LRRTM4: variants seen among roughly 807,000 people sequenced by gnomAD.
The protein encoded by LRRTM4 is leucine-rich repeat transmembrane neuronal protein 4.
In LRRTM4, 25 loss-of-function variants were observed where a neutral mutation model predicts 47.6. The observed-to-expected ratio is 0.53, with a 90% CI of 0.38 to 0.73. The LOEUF is 0.73. Among genes scored for constraint, LRRTM4 ranks in the 30% least tolerant of loss-of-function variants. LRRTM4 has a pLI of 0.00. For missense variants in LRRTM4, 638 were observed against 713.4 expected (o/e 0.89, Z 1.20); for synonymous variants, 311 against 269.5 (o/e 1.15, Z -1.51).
chr2:77,241,205 TACACACAC>T lies in LRRTM4; in HGVS notation c.1551+277105_1551+277112del, dbSNP rs10555648. ...GTAAACAAAAACATGGAATTGGAAA[TACACACAC>T]ACACACACACACACACACACACACA... is the stretch of plus-strand genomic sequence containing the variant. On this transcript the variant is annotated intron_variant, in intron 3 of 3. Coordinates refer to ENST00000409884, the MANE Select transcript of LRRTM4 (RefSeq NM_001134745.3). Among the ~76,000 whole-genome samples, 124 of 119,818 alleles carry T rather than the reference TACACACAC, an allele frequency of 1.0e-3. 1 individual carries two copies. The South Asian group carries it at 0.027, about 26-fold the overall frequency. 78.6% of individuals were successfully genotyped at this position (119,818 alleles called of 152,430 possible). A position where few individuals can be genotyped will look rare whatever the true frequency, so the allele number is the denominator to read the frequency against.
chr2:76,978,117 T>A (rs4143794), intron 3 of LRRTM4, among the ~76,000 whole-genome samples: 85,356 of 151,828 alleles, frequency 0.56, 25,820 homozygotes, highest in African/African-American at 0.78. Context: ...GAAAAACATT[T>A]GCCCTCTCAT....
At position 77,045,389 on chromosome 2, in the gene LRRTM4, C is replaced by T. The variant is rs544052265; in HGVS notation, c.1552-296473G>A. 8.6e-5 allele frequency among the ~76,000 whole-genome samples: 13 copies of T among 151,856 alleles called. No individual in the cohort carries two copies. The South Asian group carries it at 2.7e-3, about 32-fold the overall frequency. The stretch of plus-strand genomic sequence containing the variant: ...GTACTATGAAACTGATTCCAGGTAT[C>T]ATGTCATTTCCCCTGCAAATTCAAT... On this transcript the variant is annotated intron_variant, in intron 3 of 3. Transcript: ENST00000409884.
intron 3 of LRRTM4, among the ~76,000 whole-genome samples, chr2:77,409,819 A>G (rs1291817350): frequency 6.6e-6 from 1 of 152,194 alleles, no homozygotes; most frequent in East Asian, 1.9e-4. Flanking sequence ...CCAGAATAGA[A>G]AATAACAAGT....
At chr2:77,059,881 C>T (rs1679730549) in intron 3 of LRRTM4, among the ~76,000 whole-genome samples, 1 of 152,158 alleles carries the variant, frequency 6.6e-6, no homozygotes. Context: ...CTCTCAAGAG[C>T]AGCAGGCTTA....
chr2:76,869,960 G>A (rs1672576392), intron 3 of LRRTM4, among the ~76,000 whole-genome samples: 1 of 152,104 alleles, frequency 6.6e-6, no homozygotes, highest in South Asian at 2.1e-4. Context: ...ATTTAGGACA[G>A]TAAGTGAGAC....
chr2:76,888,979 G>A (rs957070722), intron 3 of LRRTM4, among the ~76,000 whole-genome samples: 1 of 151,642 alleles, frequency 6.6e-6, no homozygotes, highest in Non-Finnish European at 1.5e-5. Context: ...AAATAGCTTT[G>A]GGCTTAAGGT....
intron 3 of LRRTM4, among the ~76,000 whole-genome samples, chr2:77,115,736 C>A (rs866386984): frequency 2.4e-4 from 37 of 152,270 alleles, no homozygotes; most frequent in African/African-American, 7.5e-4. Flanking sequence ...GTGAGAAATT[C>A]TTCAAAATAA....
intron 3 of LRRTM4, among the ~76,000 whole-genome samples, chr2:77,393,368 G>A (rs1373911552): frequency 6.6e-6 from 1 of 151,876 alleles, no homozygotes; most frequent in Admixed American, 6.6e-5. Context: ...GCTAAAATTG[G>A]AACACTATGG....
At chr2:77,308,825 C>A (rs1677364026) in intron 3 of LRRTM4, among the ~76,000 whole-genome samples, 1 of 151,150 alleles carries the variant, frequency 6.6e-6, no homozygotes, top group African/African-American at 2.4e-5. Context: ...CAGCCTCTAT[C>A]CAATTATGCT....
chr2:76,867,045 A>T (rs1672488394), intron 3 of LRRTM4, among the ~76,000 whole-genome samples: 3 of 152,048 alleles, frequency 2.0e-5, no homozygotes, highest in Admixed American at 2.0e-4. Flanking sequence ...CAGGGAGGGG[A>T]ACATCACACA....
intron 3 of LRRTM4, among the ~76,000 whole-genome samples, chr2:76,865,974 T>A (rs546030850): frequency 6.6e-6 from 1 of 152,180 alleles, no homozygotes; most frequent in African/African-American, 2.4e-5. Flanking sequence ...AGAAAACACA[T>A]GTTACTATCA....
rs1673820389 is a variant in LRRTM4 at position 76,905,951 on chromosome 2, A to G, written c.1552-157035T>C. On this transcript the variant is annotated intron_variant, in intron 3 of 3. Coordinates refer to ENST00000409884, the MANE Select transcript of LRRTM4 (RefSeq NM_001134745.3). ...GATATTATCCAAGAGAACTTCCCCAATCTAGCAAGGCAGGCCAACATTCAG... is the reference window on the plus strand; with the variant it reads ...GATATTATCCAAGAGAACTTCCCCAGTCTAGCAAGGCAGGCCAACATTCAG... Among the ~76,000 whole-genome samples, 20 of 152,260 alleles carry G rather than the reference A, an allele frequency of 1.3e-4. 1 individual carries two copies. In the South Asian group the frequency reaches 4.1e-3, roughly 32 times the overall value.
intron 3 of LRRTM4, among the ~76,000 whole-genome samples, chr2:77,390,782 T>A (rs1395387430): frequency 6.6e-6 from 1 of 151,764 alleles, no homozygotes; most frequent in African/African-American, 2.4e-5. Flanking sequence ...CTTATTTTCA[T>A]AAGTTGGTAC....
intron 3 of LRRTM4, among the ~76,000 whole-genome samples, chr2:76,979,239 T>C (rs1466417958): frequency 6.6e-6 from 1 of 152,004 alleles, no homozygotes; most frequent in African/African-American, 2.4e-5. Context: ...GAATTCTGCA[T>C]GAGTAAGTGT....
chr2:76,913,892 A>G (rs1674155950), intron 3 of LRRTM4, among the ~76,000 whole-genome samples: 2 of 152,152 alleles, frequency 1.3e-5, no homozygotes, highest in Non-Finnish European at 2.9e-5. Flanking sequence ...TGTATGAAAT[A>G]ATCATAGTGA....
At chr2:76,769,801 T>C (rs573203612) in intron 3 of LRRTM4, among the ~76,000 whole-genome samples, 2 of 152,210 alleles carry the variant, frequency 1.3e-5, no homozygotes, top group Non-Finnish European at 2.9e-5. Flanking sequence ...AGAATGGAAA[T>C]TGTATTTTTC....
At chr2:77,374,516 A>G (rs1263952211) in intron 3 of LRRTM4, among the ~76,000 whole-genome samples, 1 of 151,850 alleles carries the variant, frequency 6.6e-6, no homozygotes, top group Non-Finnish European at 1.5e-5. Context: ...ATATATTTGC[A>G]TAGATTTTCA....
chr2:77,470,489 C>T (rs1376167847), intron 3 of LRRTM4, among the ~76,000 whole-genome samples: 1 of 152,072 alleles, frequency 6.6e-6, no homozygotes, highest in Non-Finnish European at 1.5e-5. Context: ...AGAAGGCATT[C>T]ATTTGGTACA....
intron 3 of LRRTM4, among the ~76,000 whole-genome samples, chr2:76,875,404 A>G (rs1476200003): frequency 6.6e-6 from 1 of 152,016 alleles, no homozygotes; most frequent in Non-Finnish European, 1.5e-5. Flanking sequence ...TACACTACAG[A>G]CTGATTTTTT....
Sources: allele counts gnomAD v4.1 joint callset (sites outside exome capture counted in the v4.1 genomes callset), GRCh38; gene constraint gnomAD v4.1.1; transcripts MANE v1.5; gene names NCBI Gene and HGNC (gene_info 2026-07-23, HGNC 2026-07-21).